The following LOXL1 variants were observed in gnomAD, a reference collection of about 807,000 sequenced individuals.
LOXL1 encodes lysyl oxidase homolog 1.
Under a neutral mutation model 62.2 loss-of-function variants are expected in LOXL1, and 31 were observed. That is an observed-to-expected ratio of 0.50 (90% CI 0.37 to 0.67). The LOEUF (loss-of-function observed/expected upper bound fraction) is 0.67. Among genes scored for constraint, LOXL1 ranks in the 30% least tolerant of loss-of-function variants. LOXL1 has a pLI of 0.00. For synonymous variants in LOXL1, 403 were observed against 384.4 expected, an observed-to-expected ratio of 1.05 and a Z score of -0.56; for missense variants, 775 against 843.4, an observed-to-expected ratio of 0.92 and a Z score of 1.00.
chr15:73,951,747 G>A (rs1010189370), intron 6 of LOXL1, 84 bp from the exon 7 acceptor site: 1 of 1,285,044 alleles, frequency 7.8e-7, no homozygotes, highest in Non-Finnish European at 1.1e-6. Context: ...AGGGATCTGG[G>A]CTGTGGGAGG....
chr15:73,944,538 C>T (rs947109945), intron 2 of LOXL1, among the ~76,000 whole-genome samples: 2 of 152,114 alleles, frequency 1.3e-5, no homozygotes, highest in Non-Finnish European at 2.9e-5. Context: ...AGGAGGTGGG[C>T]GTGGGAGTTC....
In LOXL1 at chr15:73,927,407, G is replaced by A. The variant is rs1334321175; in HGVS notation, c.624G>A (p.Ala208=). ...YDQGFVYYRP[A]GGGVGAGAAA... ...AGGGTTTCGTGTACTACCGGCCCGC[G>A]GGCGGCGGCGTGGGCGCGGGGGCGG... is the stretch of plus-strand genomic sequence containing the variant. Residue 208 remains alanine (A), a synonymous_variant, in exon 1 of 7, where the codon GCG becomes GCA. Transcript: ENST00000261921. 1.3e-6 allele frequency: 2 copies of A among 1,542,008 alleles called. No homozygotes were observed. The highest frequency in any genetic ancestry group is 1.7e-6 in the Non-Finnish European group (2 of 1,146,310).
intron 5 of LOXL1, 151 bp downstream of exon 5, chr15:73,948,053 C>T (rs1595849323): frequency 3.5e-6 from 2 of 571,922 alleles, no homozygotes; most frequent in East Asian, 6.2e-5. Flanking sequence ...GAGGTTTAGG[C>T]TTCCCAGCCG....
chr15:73,941,148 C>T (rs186695881), intron 1 of LOXL1, among the ~76,000 whole-genome samples: 2 of 152,308 alleles, frequency 1.3e-5, no homozygotes, highest in African/African-American at 2.4e-5. Flanking sequence ...TCCCAGCTGG[C>T]TTGAGGGCCT....
At chr15:73,948,403 TA>T (rs1165304514) in intron 5 of LOXL1, among the ~76,000 whole-genome samples, 1 of 152,132 alleles carries the variant, frequency 6.6e-6, no homozygotes, top group Non-Finnish European at 1.5e-5. Flanking sequence ...GAGGGAAAAG[TA>T]GAAAAGCATA....
Position 73,926,475 on chromosome 15 carries a change from A to C in LOXL1, c.-309A>C. The stretch of plus-strand genomic sequence containing the variant: ...TGTTGCTTATTCATTCAGAGTGGGA[A>C]AGCGCCAGCCGAGCGGCCAGCCAGT... On this transcript the variant is annotated 5_prime_UTR_variant, in exon 1 of 7. Transcript: ENST00000261921. 3 of 294,452 alleles carry C rather than the reference A, an allele frequency of 1.0e-5. No homozygotes were observed. The highest frequency in any genetic ancestry group is 5.4e-5 in the East Asian group (1 of 18,456). 18.2% of individuals were successfully genotyped at this position (294,452 alleles called of 1,614,324 possible). A position where few individuals can be genotyped will look rare whatever the true frequency, so the allele number is the denominator to read the frequency against.
At chr15:73,942,824 T>TC in intron 1 of LOXL1, 30 bp from the exon 2 acceptor site, 1 of 1,362,060 alleles carries the variant, frequency 7.3e-7, no homozygotes, top group African/African-American at 1.4e-5. Flanking sequence ...TCTTCCTCCC[T>TC]CCCCCCTTCT....
At chr15:73,943,502 G>A (rs968048076) in intron 2 of LOXL1, among the ~76,000 whole-genome samples, 6 of 152,288 alleles carry the variant, frequency 3.9e-5, no homozygotes, top group Admixed American at 2.6e-4. Flanking sequence ...CAGTGAGCCC[G>A]GGGGACAAAG....
intron 1 of LOXL1, among the ~76,000 whole-genome samples, chr15:73,935,717 C>T (rs1288285068): frequency 6.6e-6 from 1 of 152,170 alleles, no homozygotes; most frequent in Non-Finnish European, 1.5e-5. Flanking sequence ...TGTCTGCCTC[C>T]CCCTCAGCCC....
Position 73,930,290 on chromosome 15 carries a change from T to C in LOXL1, c.1102+2405T>C, listed in dbSNP as rs1424063044. Among the ~76,000 whole-genome samples, 1 of 152,206 alleles carries C rather than the reference T, an allele frequency of 6.6e-6. No individual in the cohort carries two copies. Among genetic ancestry groups the C allele is most frequent in the East Asian group, 1.9e-4 (1 of 5,186 alleles). ...ACAGGAAGCAATGTCTAAGCATTGC[T>C]GCAAGGGATGGTCATCAGCACCATC... On this transcript the variant is annotated intron_variant, in intron 1 of 6. Transcript: ENST00000261921. This position sits in a 1 kb window ranked among gnomAD's most constrained non-coding sequence, Gnocchi z 4.7.
At chr15:73,935,318 G>A (rs2068663326) in intron 1 of LOXL1, among the ~76,000 whole-genome samples, 1 of 152,114 alleles carries the variant, frequency 6.6e-6, no homozygotes, top group African/African-American at 2.4e-5. Context: ...AGAGCTGAGG[G>A]GATTTCCTGC....
chr15:73,938,211 T>C (rs1341576183), intron 1 of LOXL1, among the ~76,000 whole-genome samples: 1 of 150,776 alleles, frequency 6.6e-6, no homozygotes, highest in Non-Finnish European at 1.5e-5. Context: ...ACCCGGGAGG[T>C]GGAGGTTGCA....
intron 1 of LOXL1, among the ~76,000 whole-genome samples, chr15:73,937,710 G>A (rs2141628061): frequency 6.6e-6 from 1 of 152,368 alleles, no homozygotes; most frequent in East Asian, 1.9e-4. Flanking sequence ...ACACAGTAGG[G>A]CAAGACCCCA....
At chr15:73,937,478 C>A (rs966648500) in intron 1 of LOXL1, among the ~76,000 whole-genome samples, 10 of 152,236 alleles carry the variant, frequency 6.6e-5, no homozygotes, top group African/African-American at 2.4e-4. Context: ...GCCGAGCATC[C>A]TGGCTTTGGC....
chr15:73,933,340 T>C (rs2068648011), intron 1 of LOXL1, among the ~76,000 whole-genome samples: 1 of 152,194 alleles, frequency 6.6e-6, no homozygotes, highest in Admixed American at 6.5e-5. Flanking sequence ...CTCACTCTGT[T>C]CCGTCTCTTA....
At chr15:73,933,057 C>A (rs1401047451) in intron 1 of LOXL1, among the ~76,000 whole-genome samples, 1 of 152,220 alleles carries the variant, frequency 6.6e-6, no homozygotes, top group Non-Finnish European at 1.5e-5. Flanking sequence ...CCCCTGCTCT[C>A]AAACTGGACC....
intron 1 of LOXL1, among the ~76,000 whole-genome samples, chr15:73,931,462 GTC>G (rs1420266766): frequency 3.9e-5 from 6 of 152,134 alleles, no homozygotes; most frequent in African/African-American, 1.4e-4. Flanking sequence ...AAAATCTAGT[GTC>G]TCAGCCCAGC....
chr15:73,949,357 C>G (rs1413472334), intron 5 of LOXL1, 102 bp from the exon 6 acceptor site: 2 of 757,658 alleles, frequency 2.6e-6, no homozygotes, highest in African/African-American at 1.7e-5. Context: ...TCTGTCACCT[C>G]TCTGTCTGTC....
At chr15:73,936,729 C>T (rs1027949368) in intron 1 of LOXL1, among the ~76,000 whole-genome samples, 2 of 152,234 alleles carry the variant, frequency 1.3e-5, no homozygotes, top group African/African-American at 4.8e-5. Flanking sequence ...GGGAAGGCAG[C>T]CACAGGGCTC....
Sources: allele counts gnomAD v4.1 joint callset (sites outside exome capture counted in the v4.1 genomes callset), GRCh38; gene constraint gnomAD v4.1.1; non-coding constraint Gnocchi (gnomAD v3.1); transcripts MANE v1.5; gene names NCBI Gene and HGNC (gene_info 2026-07-23, HGNC 2026-07-21).